The following PACSIN2 variants were observed in gnomAD, a reference collection of about 807,000 sequenced individuals.
The protein encoded by PACSIN2 is protein kinase C and casein kinase substrate in neurons protein 2.
A neutral mutation model predicts 63.8 loss-of-function variants in PACSIN2; 25 were observed. That is an observed-to-expected ratio of 0.39 (90% CI 0.29 to 0.55). The LOEUF (loss-of-function observed/expected upper bound fraction) is 0.55. PACSIN2 is among the 20% of genes least tolerant of loss of function. The pLI is 0.62. For missense variants in PACSIN2, 518 were observed against 646.9 expected (o/e 0.80, Z 2.16); for synonymous variants, 255 against 256.2 (o/e 1.00, Z 0.05).
At position 42,971,941 on chromosome 22, in the gene PACSIN2, T is replaced by G. The variant is rs530252718; in HGVS notation, c.-78+43080A>C. 2.0e-3 allele frequency among the ~76,000 whole-genome samples: 299 copies of G among 146,728 alleles called. 2 individuals are homozygous for G. The highest frequency in any genetic ancestry group is 7.4e-3 in the African/African-American group (288 of 39,084). ...CCCCGTCTGGAAGGTGGGGGGTGCCTCTGCCCGGCCGCCCCGTCTGGGAGG... is the reference window on the plus strand; with the variant it reads ...CCCCGTCTGGAAGGTGGGGGGTGCCGCTGCCCGGCCGCCCCGTCTGGGAGG... On this transcript the variant is annotated intron_variant, in intron 1 of 10. Coordinates refer to ENST00000263246, the MANE Select transcript of PACSIN2 (RefSeq NM_001184970.3).
intron 1 of PACSIN2, among the ~76,000 whole-genome samples, chr22:42,974,151 C>A (rs1921518136): frequency 6.6e-6 from 1 of 152,176 alleles, no homozygotes; most frequent in Non-Finnish European, 1.5e-5. Context: ...CTATGTAAGT[C>A]TCCTTCCCTC....
intron 1 of PACSIN2, among the ~76,000 whole-genome samples, chr22:42,982,320 C>G (rs1922235834): frequency 1.1e-5 from 1 of 94,736 alleles, no homozygotes; most frequent in Non-Finnish European, 2.1e-5. Flanking sequence ...CCCGGCCGCC[C>G]CTACTGGGAA....
chr22:42,992,994 T>C (rs1379164827), intron 1 of PACSIN2, among the ~76,000 whole-genome samples: 1 of 151,942 alleles, frequency 6.6e-6, no homozygotes, highest in Non-Finnish European at 1.5e-5. Flanking sequence ...TGAAGCCCCG[T>C]CTCTACTAAA....
chr22:42,989,859 GAAAA>G (rs575057018), intron 1 of PACSIN2, among the ~76,000 whole-genome samples: 5 of 115,134 alleles, frequency 4.3e-5, no homozygotes, highest in Middle Eastern at 3.9e-3. Flanking sequence ...CTTGGAGGGG[GAAAA>G]AAAAATATAT....
rs541790789 is a variant in PACSIN2 at position 42,871,390 on chromosome 22, T to C, written c.1428A>G (p.Leu476=). 1.6e-4 allele frequency: 251 copies of C among 1,614,038 alleles called. 3 individuals are homozygous for C. The South Asian group carries it at 2.6e-3, about 17-fold the overall frequency. ...KGRLDNGQVG[L]YPANYVEAIQ ...TCGCCTCCACATAATTTGCCGGGTA[T>C]AGGCCAACTTGCCCGTTGTCCAAGC... The change falls in exon 11 of 11, where the codon CTA becomes CTG. Residue 476 remains leucine, a synonymous_variant. Coordinates refer to ENST00000263246, the MANE Select transcript of PACSIN2 (RefSeq NM_001184970.3). The surrounding 1 kb of genome is among the most constrained non-coding windows in gnomAD (Gnocchi z 5.4).
At chr22:43,014,507 C>A (rs1245150046) in intron 1 of PACSIN2, among the ~76,000 whole-genome samples, 2 of 151,856 alleles carry the variant, frequency 1.3e-5, no homozygotes, top group African/African-American at 2.4e-5. Context: ...CTCTCACCGG[C>A]GCGTCCCAGC....
intron 2 of PACSIN2, among the ~76,000 whole-genome samples, chr22:42,907,070 G>T (rs75781198): frequency 0.072 from 10,985 of 152,262 alleles, 529 homozygotes; most frequent in Non-Finnish European, 0.11. Flanking sequence ...GGAGATGGAA[G>T]TCTGGATGGA....
intron 10 of PACSIN2, among the ~76,000 whole-genome samples, chr22:42,872,778 C>T (rs1321539641): frequency 4.6e-5 from 7 of 152,282 alleles, no homozygotes; most frequent in African/African-American, 1.7e-4. Context: ...TAAGCACTGG[C>T]TCAGCCTCCC....
At chr22:42,957,824 T>C (rs1933976005) in intron 1 of PACSIN2, among the ~76,000 whole-genome samples, 1 of 152,120 alleles carries the variant, frequency 6.6e-6, no homozygotes, top group African/African-American at 2.4e-5. Context: ...TTAGTTGTGA[T>C]TGTATTAAGT....
chr22:42,882,470 C>T (rs1409643757), intron 6 of PACSIN2, among the ~76,000 whole-genome samples, 166 bp from the exon 7 acceptor site: 3 of 152,138 alleles, frequency 2.0e-5, no homozygotes, highest in Non-Finnish European at 2.9e-5. Flanking sequence ...GGTCACGGGC[C>T]GCCACGTGCA....
chr22:43,002,157 C>A (rs1005216387), intron 1 of PACSIN2, among the ~76,000 whole-genome samples: 1 of 152,124 alleles, frequency 6.6e-6, no homozygotes, highest in Non-Finnish European at 1.5e-5. Flanking sequence ...GAGCCAGGAA[C>A]CCCCATGAGA....
intron 1 of PACSIN2, among the ~76,000 whole-genome samples, chr22:42,981,346 G>C (rs917614693): frequency 2.8e-5 from 4 of 145,418 alleles, no homozygotes; most frequent in African/African-American, 1.0e-4. Flanking sequence ...CCGTCCGGGA[G>C]GGAGGTGGGG....
intron 1 of PACSIN2, among the ~76,000 whole-genome samples, chr22:42,994,415 C>T (rs573585809): frequency 3.3e-5 from 5 of 152,328 alleles, no homozygotes; most frequent in Non-Finnish European, 7.3e-5. Flanking sequence ...CCGTGTCCTG[C>T]GCCACAAAGA....
At chr22:42,918,068 G>A (rs1931930966) in intron 1 of PACSIN2, among the ~76,000 whole-genome samples, 2 of 152,192 alleles carry the variant, frequency 1.3e-5, no homozygotes, top group African/African-American at 4.8e-5. Context: ...CAACTGAGAA[G>A]GATGTGAAAA....
intron 1 of PACSIN2, among the ~76,000 whole-genome samples, chr22:42,925,498 G>A (rs1601529827): frequency 6.7e-6 from 1 of 149,676 alleles, no homozygotes; most frequent in Non-Finnish European, 1.5e-5. Context: ...AAAAAAAAAA[G>A]TATCAGCTCT....
At chr22:42,956,938 A>T (rs578225291) in intron 1 of PACSIN2, among the ~76,000 whole-genome samples, 43 of 152,362 alleles carry the variant, frequency 2.8e-4, no homozygotes, top group African/African-American at 9.6e-4. Flanking sequence ...AAGAAGGTCA[A>T]TTATACACTA....
chr22:42,982,888 A>AAAAATAAAAAAAAAAC (rs759532303), intron 1 of PACSIN2, among the ~76,000 whole-genome samples: 2 of 105,222 alleles, frequency 1.9e-5, no homozygotes, highest in South Asian at 7.0e-4. Context: ...AAAAAAAAAA[A>AAAAATAAAAAAAAAAC]AACAACAACA....
chr22:43,010,398 A>ATATATATATTTTTTTT, intron 1 of PACSIN2, among the ~76,000 whole-genome samples: 2 of 126,408 alleles, frequency 1.6e-5, no homozygotes, highest in African/African-American at 5.7e-5. Flanking sequence ...ATATATATAT[A>ATATATATATTTTTTTT]TTTTTTTTTA....
At chr22:42,987,258 C>G (rs1224632093) in intron 1 of PACSIN2, among the ~76,000 whole-genome samples, 1 of 152,078 alleles carries the variant, frequency 6.6e-6, no homozygotes, top group Non-Finnish European at 1.5e-5. Context: ...AAAGTGATAA[C>G]AGCACTAACC....
Sources: allele counts gnomAD v4.1 joint callset (sites outside exome capture counted in the v4.1 genomes callset), GRCh38; gene constraint gnomAD v4.1.1; non-coding constraint Gnocchi (gnomAD v3.1); transcripts MANE v1.5; gene names NCBI Gene and HGNC (gene_info 2026-07-23, HGNC 2026-07-21).